VPS13A: variants seen among roughly 807,000 people sequenced by gnomAD.
VPS13A encodes the protein vacuolar protein sorting 13 homolog A.
In VPS13A, 264 loss-of-function variants were observed where a neutral mutation model predicts 390.9. That is an observed-to-expected ratio of 0.68 (90% confidence interval 0.61 to 0.75). The LOEUF (loss-of-function observed/expected upper bound fraction) is 0.75. Among genes scored for constraint, VPS13A ranks in the 30% least tolerant of loss-of-function variants. The probability of loss-of-function intolerance (pLI) is 0.00; values close to 1 mark genes in which losing one functional copy is unlikely to be tolerated. For synonymous variants in VPS13A, 1,231 were observed against 1,227.1 expected (o/e 1.00, Z -0.07); for missense variants, 3,409 against 3,733.9 (o/e 0.91, Z 2.27).
chr9:77,229,493 C>G (rs1381087704), intron 17 of VPS13A, among the ~76,000 whole-genome samples: 1 of 152,188 alleles, frequency 6.6e-6, no homozygotes, highest in Non-Finnish European at 1.5e-5. Flanking sequence ...AAGGATTTGT[C>G]CATTTTGGAC....
intron 22 of VPS13A, among the ~76,000 whole-genome samples, chr9:77,253,488 G>A (rs115545856): frequency 0.03 from 4,580 of 152,040 alleles, 186 homozygotes; most frequent in East Asian, 0.12. Flanking sequence ...TGGGTTTTTG[G>A]TAGGGATGGG....
rs142315957 is a variant in VPS13A, at chr9:77,420,188, C to T, written c.*4182C>T. ...GGATTTGTCGGTTAAAATTTTGATTCTTGTAATCTGTACTGTCAATTTTTG... is the reference window on the plus strand; with the variant it reads ...GGATTTGTCGGTTAAAATTTTGATTTTTGTAATCTGTACTGTCAATTTTTG... On this transcript the variant is annotated 3_prime_UTR_variant, in exon 72 of 72. Coordinates refer to ENST00000360280, the MANE Select transcript of VPS13A (RefSeq NM_033305.3). 7 of 152,248 alleles carry T rather than the reference C, an allele frequency of 4.6e-5. No individual in the cohort carries two copies. The highest frequency in any genetic ancestry group is 2.6e-4 in the Admixed American group (4 of 15,298). 9.4% of individuals were successfully genotyped at this position (152,248 alleles called of 1,614,324 possible).
At chr9:77,273,893 T>G (rs1826491599) in intron 24 of VPS13A, among the ~76,000 whole-genome samples, 1 of 152,200 alleles carries the variant, frequency 6.6e-6, no homozygotes, top group Non-Finnish European at 1.5e-5. Context: ...ACTTAGGATC[T>G]GTCTTCAGAG....
In VPS13A at chr9:77,308,101, A is replaced by T; in HGVS notation, c.4114+3A>T. 6.2e-7 allele frequency: 1 copy of T among 1,613,758 alleles called. No homozygotes were observed. The highest frequency in any genetic ancestry group is 1.1e-5 in the South Asian group (1 of 91,074). On this transcript the variant is annotated splice_donor_region_variant and intron_variant, in intron 35 of 71. Coordinates refer to ENST00000360280, the MANE Select transcript of VPS13A (RefSeq NM_033305.3). Reference sequence around the variant, plus strand: ...TAATGCTTCACACCATTCAGGAGGTATGTTTTTAACTTCAAATTTCTTTCT... The same window carrying T: ...TAATGCTTCACACCATTCAGGAGGTTTGTTTTTAACTTCAAATTTCTTTCT...
chr9:77,189,132 CTTTT>C (rs542812911), intron 1 of VPS13A, among the ~76,000 whole-genome samples: 1 of 112,194 alleles, frequency 8.9e-6, no homozygotes, highest in Non-Finnish European at 1.9e-5. Context: ...TCCCACTTGC[CTTTT>C]TTTTTTTTTT....
intron 17 of VPS13A, among the ~76,000 whole-genome samples, chr9:77,231,192 T>C (rs1478882473): frequency 2.0e-5 from 3 of 152,172 alleles, no homozygotes; most frequent in African/African-American, 7.2e-5. Context: ...GTTTTACTTC[T>C]TCCATTCCGA....
At chr9:77,294,239 T>C (rs182827713) in intron 32 of VPS13A, among the ~76,000 whole-genome samples, 351 of 152,320 alleles carry the variant, frequency 2.3e-3, no homozygotes, top group African/African-American at 7.8e-3. Flanking sequence ...TTCGATTGCA[T>C]TGTCATTCTG....
chr9:77,200,636 AGG>A (rs1825277569), intron 2 of VPS13A, among the ~76,000 whole-genome samples: 1 of 152,090 alleles, frequency 6.6e-6, no homozygotes, highest in Admixed American at 6.5e-5. Flanking sequence ...AGCTTACTGT[AGG>A]CCTCAGCTCC....
At chr9:77,211,341 A>G (rs994089927) in intron 7 of VPS13A, 1 of 152,156 alleles carries the variant, frequency 6.6e-6, no homozygotes, top group African/African-American at 2.4e-5. Context: ...ATGTAGGATT[A>G]TAAAAGTTTA....
chr9:77,345,262 C>T, intron 52 of VPS13A, 120 bp downstream of exon 52: 2 of 1,119,022 alleles, frequency 1.8e-6, no homozygotes, highest in Non-Finnish European at 2.6e-6. Flanking sequence ...CTGTGTAAAA[C>T]AGTGTTCCAT....
chr9:77,318,250 A>G lies in VPS13A; in HGVS notation c.4972A>G (p.Ile1658Val). Reference protein sequence around the residue: ...SLTLKVSPVIINTMITITSAL... With the variant: ...SLTLKVSPVIVNTMITITSAL... ...TTCCATTTAGGTTTCACCAGTTATT[A>G]TAAATACTATGATTACCATAACTTC... is the stretch of plus-strand genomic sequence containing the variant. Residue 1658 changes from isoleucine to valine, a missense_variant, in exon 41 of 72, where the codon ATA (isoleucine) becomes GTA (valine). Around this residue, in one of 5 missense-constraint regions of VPS13A, gnomAD observed 2,717 missense variants for 2,917.4 expected, o/e 0.93. Transcript: ENST00000360280. 1 of 1,595,874 alleles carries G rather than the reference A, an allele frequency of 6.3e-7. No homozygotes were observed. Among genetic ancestry groups the G allele is most frequent in the Non-Finnish European group, 8.5e-7 (1 of 1,173,848 alleles).
rs1171706815 is a variant in VPS13A at position 77,416,127 on chromosome 9, AAAAAAC to A, written c.*131_*136del. 6 of 1,191,674 alleles carry A rather than the reference AAAAAAC, an allele frequency of 5.0e-6. No individual in the cohort carries two copies. The East Asian group carries it at 1.2e-4, about 24-fold the overall frequency. The allele number at this position is 1,191,674 out of a possible 1,614,324, so 73.8% of individuals were successfully genotyped here. On this transcript the variant is annotated 3_prime_UTR_variant, in exon 72 of 72. Transcript: ENST00000360280. ...TCAAGTACCCTGTATTCTGGATGCTAAAAAACAAAAACAAACAAAAAAACAAAAACA... is the reference window on the plus strand; with the variant it reads ...TCAAGTACCCTGTATTCTGGATGCTAAAAAACAAACAAAAAAACAAAAACA...
At chr9:77,258,870 G>T (rs184823497) in intron 22 of VPS13A, among the ~76,000 whole-genome samples, 645 of 152,178 alleles carry the variant, frequency 4.2e-3, no homozygotes, top group Non-Finnish European at 5.1e-3. Context: ...AATCTTGGAA[G>T]TTACAGGGTA....
intron 17 of VPS13A, among the ~76,000 whole-genome samples, chr9:77,230,161 T>C (rs570341049): frequency 7.9e-5 from 12 of 152,268 alleles, no homozygotes; most frequent in Admixed American, 5.2e-4. Flanking sequence ...TTATATATTC[T>C]TGATACAAAT....
chr9:77,367,978 A>G, intron 61 of VPS13A, 77 bp from the exon 62 acceptor site: 1 of 1,301,050 alleles, frequency 7.7e-7, no homozygotes, highest in Non-Finnish European at 1.1e-6. Flanking sequence ...TTCTAAAGAA[A>G]ATAAAGCCAC....
At chr9:77,269,898 C>G (rs971905191) in intron 23 of VPS13A, among the ~76,000 whole-genome samples, 2 of 152,114 alleles carry the variant, frequency 1.3e-5, no homozygotes, top group Non-Finnish European at 2.9e-5. Context: ...TCCAGTTTGA[C>G]TGGTGTCTTT....
Position 77,217,947 on chromosome 9 carries a change from T to C in VPS13A, c.755-2007T>C, listed in dbSNP as rs542170343. Among the ~76,000 whole-genome samples, 8 of 152,156 alleles carry C rather than the reference T, an allele frequency of 5.3e-5. No homozygotes were observed. In the East Asian group the frequency reaches 1.5e-3, roughly 29 times the overall value. On this transcript the variant is annotated intron_variant, in intron 10 of 71. Coordinates refer to ENST00000360280, the MANE Select transcript of VPS13A (RefSeq NM_033305.3). ...CATTCCCACCAACAGTAATCCCTTT[T>C]CTCCACATCCTCACCAACATGTGTC...
chr9:77,351,421 G>A lies in VPS13A; in HGVS notation c.7394G>A (p.Ser2465Asn), dbSNP rs767375212. The part of the protein sequence containing the change: ...SRRLKWRCRK[S>N]HGEVTQKDDM... ...AGGCTGAAGTGGAGATGTAGAAAAA[G>A]CCATGGTGAAGTAACACAGAAGGAT... Residue 2465 changes from serine to asparagine, a missense_variant, in exon 53 of 72, where the codon AGC (serine) becomes AAC (asparagine). By Grantham distance (46) the Ser-to-Asn change is conservative (BLOSUM62 1). Transcript: ENST00000360280. 72 of 1,613,730 alleles carry A rather than the reference G, an allele frequency of 4.5e-5. No homozygotes were observed. In the South Asian group the frequency reaches 7.4e-4, roughly 16 times the overall value.
intron 52 of VPS13A, among the ~76,000 whole-genome samples, chr9:77,350,525 C>T (rs988628634): frequency 1.3e-5 from 2 of 152,082 alleles, no homozygotes; most frequent in African/African-American, 4.8e-5. Context: ...CTTATTCTTA[C>T]AAATTTATGA....
Sources: allele counts gnomAD v4.1 joint callset (sites outside exome capture counted in the v4.1 genomes callset), GRCh38; gene constraint gnomAD v4.1.1; regional missense constraint gnomAD v4.1.1; transcripts MANE v1.5; gene names NCBI Gene and HGNC (gene_info 2026-07-23, HGNC 2026-07-21).